UBE2K: variants seen among roughly 807,000 people sequenced by gnomAD.
UBE2K encodes ubiquitin conjugating enzyme E2 K, also known as ubiquitin-conjugating enzyme E2 K.
In UBE2K, 6 loss-of-function variants were observed where a neutral mutation model predicts 30.0. That is an observed-to-expected ratio of 0.20 (90% CI 0.11 to 0.39). The LOEUF is 0.39. Among genes scored for constraint, UBE2K ranks in the 10% least tolerant of loss-of-function variants. UBE2K has a pLI of 1.00. For synonymous variants in UBE2K, 86 were observed against 83.7 expected, an observed-to-expected ratio of 1.03 and a Z score of -0.15; for missense variants, 61 against 241.6, an observed-to-expected ratio of 0.25 and a Z score of 4.96.
intron 1 of UBE2K, chr4:39,714,548 A>ATTT (rs1168820129): frequency 8.5e-4 from 21 of 24,668 alleles, no homozygotes; most frequent in South Asian, 2.6e-3. Flanking sequence ...ATATATATAT[A>ATTT]TATTTTTTTT....
intron 1 of UBE2K, among the ~76,000 whole-genome samples, chr4:39,705,048 T>G (rs1176752418): frequency 6.7e-6 from 1 of 150,096 alleles, no homozygotes; most frequent in African/African-American, 2.4e-5. Context: ...TGTTTTTTTT[T>G]GTTTTTTTTT....
intron 4 of UBE2K, among the ~76,000 whole-genome samples, chr4:39,759,582 C>T (rs1443084758): frequency 2.6e-5 from 4 of 152,216 alleles, no homozygotes; most frequent in African/African-American, 4.8e-5. Context: ...CTGTGCCCGG[C>T]CCCTGGTTTA....
intron 4 of UBE2K, among the ~76,000 whole-genome samples, chr4:39,769,822 A>G (rs951021476): frequency 1.3e-5 from 2 of 151,974 alleles, no homozygotes; most frequent in African/African-American, 2.4e-5. Flanking sequence ...AAGAGAAGGA[A>G]ATCTTTCTCT....
intron 1 of UBE2K, among the ~76,000 whole-genome samples, chr4:39,720,921 A>C (rs1379808624): frequency 6.6e-6 from 1 of 151,992 alleles, no homozygotes; most frequent in Non-Finnish European, 1.5e-5. Context: ...TTATTTTTAA[A>C]TTATTTGTAG....
chr4:39,718,676 T>G (rs1363759725), intron 1 of UBE2K, among the ~76,000 whole-genome samples: 1 of 152,136 alleles, frequency 6.6e-6, no homozygotes, highest in Admixed American at 6.5e-5. Context: ...TGGTGAGAAA[T>G]TGAGCGCAGC....
At chr4:39,767,289 CT>C (rs901027944) in intron 4 of UBE2K, among the ~76,000 whole-genome samples, 1 of 137,536 alleles carries the variant, frequency 7.3e-6, no homozygotes, top group African/African-American at 2.9e-5. Context: ...TATCAGTTTT[CT>C]TTTTTTCTGT....
intron 1 of UBE2K, among the ~76,000 whole-genome samples, chr4:39,721,557 G>C (rs572449700): frequency 6.6e-6 from 1 of 151,490 alleles, no homozygotes; most frequent in African/African-American, 2.4e-5. Flanking sequence ...GGGTTTCACC[G>C]TGTTGCCCAG....
chr4:39,762,919 C>T (rs945061283), intron 4 of UBE2K, among the ~76,000 whole-genome samples: 9 of 149,420 alleles, frequency 6.0e-5, no homozygotes, highest in African/African-American at 2.2e-4. Flanking sequence ...GTGAGCCACG[C>T]ACCCGGCCAA....
At chr4:39,761,862 T>C (rs1711967715) in intron 4 of UBE2K, among the ~76,000 whole-genome samples, 1 of 147,182 alleles carries the variant, frequency 6.8e-6, no homozygotes, top group Admixed American at 6.8e-5. Context: ...ATAGTATTCA[T>C]TTTTTTTTTT....
rs1054858941 is a variant in UBE2K at position 39,742,126 on chromosome 4, A to G, written c.158-3626A>G. ...CTGCTCCTAAGAGATTATTTTGGCCATTAACAAAGAACTTTGTATGATGGG... is the reference window on the plus strand; with the variant it reads ...CTGCTCCTAAGAGATTATTTTGGCCGTTAACAAAGAACTTTGTATGATGGG... On this transcript the variant is annotated intron_variant, in intron 2 of 6. Coordinates refer to ENST00000261427, the MANE Select transcript of UBE2K (RefSeq NM_005339.5). Among the ~76,000 whole-genome samples, 22 of 152,256 alleles carry G rather than the reference A, an allele frequency of 1.4e-4. No homozygotes were observed. The East Asian group carries it at 4.1e-3, about 28-fold the overall frequency.
chr4:39,737,522 T>G lies in UBE2K; in HGVS notation c.157+9T>G, dbSNP rs914943413. 6.6e-7 allele frequency: 1 copy of G among 1,518,450 alleles called. No homozygotes were observed. The allele number at this position is 1,518,450 out of a possible 1,614,324, so 94.1% of individuals were successfully genotyped here. A position where few individuals can be genotyped will look rare whatever the true frequency, so the allele number is the denominator to read the frequency against. ...AGACACACCATATGAAGGCAAGTAC[T>G]TTTTTCTGTATCAAAATATTGTGCG... On this transcript the variant is annotated intron_variant, in intron 2 of 6. Transcript: ENST00000261427.
intron 2 of UBE2K, among the ~76,000 whole-genome samples, chr4:39,741,454 C>T (rs377180050): frequency 2.0e-5 from 3 of 152,126 alleles, no homozygotes; most frequent in African/African-American, 7.2e-5. Context: ...AACTTTAATG[C>T]TTTTTCTTTT....
At position 39,757,011 on chromosome 4, in the gene UBE2K, G is replaced by GTTTTTTTTTTTTTT. The variant is rs1354761879; in HGVS notation, c.299+1278_299+1279insTTTTTTTTTTTTTT. On this transcript the variant is annotated intron_variant, in intron 4 of 6. Transcript: ENST00000261427. ...ATGTTTTTTTGGGTGTTTTTTTTTTGTTTTTTGTTTTTTGTTTTTTGTTTT... is the reference window on the plus strand; with the variant it reads ...ATGTTTTTTTGGGTGTTTTTTTTTTGTTTTTTTTTTTTTTTTTTTTGTTTTTTGTTTTTTGTTTT... 1.2e-3 allele frequency among the ~76,000 whole-genome samples: 92 copies of GTTTTTTTTTTTTTT among 76,812 alleles called. 8 individuals are homozygous for GTTTTTTTTTTTTTT. The highest frequency in any genetic ancestry group is 3.5e-3 in the East Asian group (7 of 2,012). The allele number at this position is 76,812 out of a possible 152,430, so 50.4% of individuals were successfully genotyped here.
chr4:39,748,029 T>C (rs1033698262), intron 3 of UBE2K, among the ~76,000 whole-genome samples: 1 of 152,124 alleles, frequency 6.6e-6, no homozygotes, highest in Admixed American at 6.6e-5. Context: ...CTTGAACTAC[T>C]GACTCCATCT....
At chr4:39,750,281 T>C (rs1386611502) in intron 3 of UBE2K, among the ~76,000 whole-genome samples, 2 of 152,180 alleles carry the variant, frequency 1.3e-5, no homozygotes, top group East Asian at 1.9e-4. Context: ...AAATATGAAC[T>C]CACATCTACA....
chr4:39,733,904 A>AGC (rs1348311836), intron 1 of UBE2K, among the ~76,000 whole-genome samples: 1 of 152,124 alleles, frequency 6.6e-6, no homozygotes, highest in Non-Finnish European at 1.5e-5. Context: ...TCTTAAAGTA[A>AGC]GACTTTAAGT....
chr4:39,706,244 C>T (rs929025337), intron 1 of UBE2K, among the ~76,000 whole-genome samples: 1 of 151,900 alleles, frequency 6.6e-6, no homozygotes, highest in Non-Finnish European at 1.5e-5. Context: ...TCTCGATCTC[C>T]TGACCTCGTG....
Position 39,712,880 on chromosome 4 carries a change from A to T in UBE2K, c.63+14490A>T, listed in dbSNP as rs1332869310. Reference sequence around the variant, plus strand: ...TGTTTACTTTTTTTTTTTTTTTTTTAAATGAGACGGAGTCTCGCTTTGTCG... The same window carrying T: ...TGTTTACTTTTTTTTTTTTTTTTTTTAATGAGACGGAGTCTCGCTTTGTCG... On this transcript the variant is annotated intron_variant, in intron 1 of 6. Coordinates refer to ENST00000261427, the MANE Select transcript of UBE2K (RefSeq NM_005339.5). Among the ~76,000 whole-genome samples the T allele has an allele frequency of 4.4e-4, 61 of 138,566 alleles. No individual in the cohort carries two copies. In the East Asian group the frequency reaches 8.2e-3, roughly 19 times the overall value. 90.9% of individuals were successfully genotyped at this position (138,566 alleles called of 152,430 possible).
intron 1 of UBE2K, among the ~76,000 whole-genome samples, chr4:39,712,391 TTTTTC>T (rs1291148799): frequency 7.1e-6 from 1 of 141,650 alleles, no homozygotes; most frequent in Non-Finnish European, 1.5e-5. Context: ...TTTTTTTTTT[TTTTTC>T]AGTAGAGACA....
Sources: gnomAD v4.1 joint callset for allele counts (sites outside exome capture counted in the v4.1 genomes callset) on GRCh38, gnomAD v4.1.1 for gene constraint, MANE v1.5 for transcripts, NCBI Gene and HGNC (gene_info 2026-07-23, HGNC 2026-07-21) for gene names.